The following TMEM132C variants were observed in gnomAD, a reference collection of about 807,000 sequenced individuals.
The protein encoded by TMEM132C is transmembrane protein 132C.
A neutral mutation model predicts 61.4 loss-of-function variants in TMEM132C; 29 were observed. The observed-to-expected ratio is 0.47, with a 90% CI of 0.35 to 0.64. The LOEUF (loss-of-function observed/expected upper bound fraction) is 0.64, where lower values mean the gene tolerates loss of function less well. TMEM132C is among the 30% of genes least tolerant of loss of function. The pLI is 0.00. For synonymous variants in TMEM132C, 656 were observed against 633.1 expected (o/e 1.04, Z -0.54); for missense variants, 1,408 against 1,476.9 (o/e 0.95, Z 0.76).
rs1312638455 is a variant in TMEM132C at position 128,630,287 on chromosome 12, A to C, written c.1305+13952A>C. Among the ~76,000 whole-genome samples, 1 of 152,092 alleles carries C rather than the reference A, an allele frequency of 6.6e-6. No homozygotes were observed. Among genetic ancestry groups the C allele is most frequent in the Non-Finnish European group, 1.5e-5 (1 of 67,986 alleles). On this transcript the variant is annotated intron_variant, in intron 4 of 8. Transcript: ENST00000435159. The surrounding 1 kb of genome is among the most constrained non-coding windows in gnomAD (Gnocchi z 4.3). ...ACACTGACGGCCCATGAGGGTCACTAGGGGGCAGGGGCTGGAGCTTCTGGC... is the reference window on the plus strand; with the variant it reads ...ACACTGACGGCCCATGAGGGTCACTCGGGGGCAGGGGCTGGAGCTTCTGGC...
chr12:128,580,453 G>A (rs1006864189), intron 3 of TMEM132C, among the ~76,000 whole-genome samples: 4 of 151,926 alleles, frequency 2.6e-5, no homozygotes, highest in African/African-American at 9.7e-5. Context: ...AAAAATAAAA[G>A]CAAACAAACA....
At chr12:128,603,758 A>G (rs756740038) in intron 3 of TMEM132C, among the ~76,000 whole-genome samples, 1 of 152,162 alleles carries the variant, frequency 6.6e-6, no homozygotes, top group East Asian at 1.9e-4. Flanking sequence ...GTTAGTCACC[A>G]GTAAGGAAAA....
intron 2 of TMEM132C, among the ~76,000 whole-genome samples, chr12:128,485,861 C>A (rs1017664467): frequency 6.6e-6 from 1 of 152,160 alleles, no homozygotes; most frequent in Non-Finnish European, 1.5e-5. Context: ...CAGCAAAGCA[C>A]CTTTCCCTTC....
At chr12:128,633,915 C>A (rs941345999) in intron 4 of TMEM132C, among the ~76,000 whole-genome samples, 1 of 152,212 alleles carries the variant, frequency 6.6e-6, no homozygotes, top group South Asian at 2.1e-4. Context: ...GGGCAGATGT[C>A]AAGCTAACTG....
intron 3 of TMEM132C, among the ~76,000 whole-genome samples, chr12:128,586,311 A>G (rs978627022): frequency 2.7e-5 from 4 of 150,432 alleles, no homozygotes; most frequent in African/African-American, 9.8e-5. Flanking sequence ...TTATCATTAT[A>G]TATTATTATA....
At position 128,415,530 on chromosome 12, in the gene TMEM132C, G is replaced by A; in HGVS notation, c.884G>A (p.Trp295Ter). 1 of 1,551,414 alleles carries A rather than the reference G, an allele frequency of 6.4e-7. No homozygotes were observed. The highest frequency in any genetic ancestry group is 8.7e-7 in the Non-Finnish European group (1 of 1,146,976). Residue 295 changes from tryptophan to a stop codon, truncating the protein, a stop_gained, in exon 2 of 9, where the codon TGG becomes TAG. Transcript: ENST00000435159. LOFTEE classifies it high-confidence loss of function. This position sits in a 1 kb window ranked among gnomAD's most constrained non-coding sequence, Gnocchi z 5.8. ...ELRLDGNVVI[W>*]LPSRPVKQGE... ...CGTTTGGATGGTAACGTGGTCATCT[G>A]GCTGCCTTCCAGGCCAGTCAAGCAG...
At chr12:128,573,898 C>CAAA (rs10689177) in intron 3 of TMEM132C, among the ~76,000 whole-genome samples, 3,959 of 142,744 alleles carry the variant, frequency 0.028, 334 homozygotes, top group East Asian at 0.24. Context: ...TTTTTGCAAT[C>CAAA]AAAAAAAAAA....
intron 1 of TMEM132C, among the ~76,000 whole-genome samples, chr12:128,337,741 C>G (rs1872827503): frequency 6.6e-6 from 1 of 152,168 alleles, no homozygotes; most frequent in South Asian, 2.1e-4. Context: ...TGTTTCTTTT[C>G]TTTGGGAGAG....
intron 1 of TMEM132C, among the ~76,000 whole-genome samples, chr12:128,368,044 A>G (rs1189395071): frequency 6.6e-6 from 1 of 152,198 alleles, no homozygotes; most frequent in Admixed American, 6.5e-5. Context: ...ATACATGGCA[A>G]CTTTGCGTGA....
rs551772269 is a variant in TMEM132C, at chr12:128,366,125, C to T, written c.86-48607C>T. 4.6e-5 allele frequency among the ~76,000 whole-genome samples: 7 copies of T among 152,294 alleles called. No homozygotes were observed. The South Asian group carries it at 8.3e-4, about 18-fold the overall frequency. On this transcript the variant is annotated intron_variant, in intron 1 of 8. Transcript: ENST00000435159. ...CAAGATGTGTGTTGCAAGGATGAGG[C>T]GCCTGCTCGGCCTCCAGCCCAGGGC...
At chr12:128,293,211 C>T (rs1250441329) in intron 1 of TMEM132C, among the ~76,000 whole-genome samples, 1 of 152,188 alleles carries the variant, frequency 6.6e-6, no homozygotes. Flanking sequence ...AGTATAAACT[C>T]TCCTTTCCAA....
chr12:128,595,980 A>G (rs1875931037), intron 3 of TMEM132C, among the ~76,000 whole-genome samples: 1 of 152,246 alleles, frequency 6.6e-6, no homozygotes, highest in Non-Finnish European at 1.5e-5. Flanking sequence ...GAAGCTCTGC[A>G]GTGAGAACAT....
intron 4 of TMEM132C, among the ~76,000 whole-genome samples, chr12:128,648,515 C>T (rs1353749444): frequency 2.1e-5 from 3 of 141,796 alleles, no homozygotes; most frequent in Non-Finnish European, 4.5e-5. Flanking sequence ...AGTCTGTCAG[C>T]GTTGGATGAG....
chr12:128,618,431 T>A (rs894942062), intron 4 of TMEM132C, among the ~76,000 whole-genome samples: 3 of 152,246 alleles, frequency 2.0e-5, no homozygotes, highest in African/African-American at 7.2e-5. Context: ...AGTTCATTGA[T>A]AAACAAACAC....
intron 4 of TMEM132C, among the ~76,000 whole-genome samples, chr12:128,662,451 G>T (rs1054851467): frequency 6.6e-6 from 1 of 152,194 alleles, no homozygotes; most frequent in Non-Finnish European, 1.5e-5. Flanking sequence ...TTAAATAATA[G>T]CAAGAAAAGG....
intron 5 of TMEM132C, among the ~76,000 whole-genome samples, chr12:128,684,674 C>A (rs1034448463): frequency 4.6e-5 from 7 of 152,184 alleles, no homozygotes; most frequent in Non-Finnish European, 1.0e-4. Flanking sequence ...TTCTGCCTGG[C>A]CATTTGAATT....
intron 2 of TMEM132C, among the ~76,000 whole-genome samples, chr12:128,457,723 T>C (rs1032865835): frequency 2.8e-4 from 43 of 152,232 alleles, no homozygotes; most frequent in African/African-American, 9.9e-4. Flanking sequence ...CAGGTCAAGG[T>C]CATACAGCCA....
At chr12:128,497,781 G>C (rs1011036234) in intron 2 of TMEM132C, among the ~76,000 whole-genome samples, 6 of 152,292 alleles carry the variant, frequency 3.9e-5, no homozygotes, top group Admixed American at 1.3e-4. Context: ...GCGCTTCCCT[G>C]GTGAGGCGAT....
chr12:128,433,434 T>C (rs920034749), intron 2 of TMEM132C, among the ~76,000 whole-genome samples: 8 of 152,240 alleles, frequency 5.3e-5, no homozygotes, highest in African/African-American at 1.4e-4. Flanking sequence ...TCTGGCTTGA[T>C]GCTGCCCAAT....
Sources: allele counts gnomAD v4.1 joint callset (sites outside exome capture counted in the v4.1 genomes callset), GRCh38; gene constraint gnomAD v4.1.1; non-coding constraint Gnocchi (gnomAD v3.1); transcripts MANE v1.5; gene names NCBI Gene and HGNC (gene_info 2026-07-23, HGNC 2026-07-21).